COL5A2: variants seen among roughly 807,000 people sequenced by gnomAD.
COL5A2 encodes the protein collagen alpha-2(V) chain.
In COL5A2, 23 loss-of-function variants were observed where a neutral mutation model predicts 208.2. The observed-to-expected ratio is 0.11, with a 90% confidence interval of 0.08 to 0.16. The LOEUF is 0.16. COL5A2 is among the 10% of genes least tolerant of loss of function. The pLI is 1.00. For synonymous variants in COL5A2, 625 were observed against 628.5 expected, an observed-to-expected ratio of 0.99 and a Z score of 0.08; for missense variants, 1,590 against 1,956.4, an observed-to-expected ratio of 0.81 and a Z score of 3.53.
chr2:189,437,926 A>G, the COL5A2 span, among the ~76,000 whole-genome samples: 1 of 152,206 alleles, frequency 6.6e-6, no homozygotes, highest in South Asian at 2.1e-4. Context: ...ACATGAAGAT[A>G]CTAAGCAGTA....
chr2:189,286,645 C>G, the COL5A2 span, among the ~76,000 whole-genome samples: 1 of 152,102 alleles, frequency 6.6e-6, no homozygotes, highest in African/African-American at 2.4e-5. Flanking sequence ...GACTTACAGT[C>G]TTCAATGGTT....
the COL5A2 span, among the ~76,000 whole-genome samples, chr2:189,305,688 G>A: frequency 6.6e-6 from 1 of 152,002 alleles, no homozygotes; most frequent in Non-Finnish European, 1.5e-5. Flanking sequence ...TGTCCAATCT[G>A]CCAGTAGGAG....
chr2:189,145,753 C>A (rs1688026694), intron 1 of COL5A2, among the ~76,000 whole-genome samples: 1 of 151,970 alleles, frequency 6.6e-6, no homozygotes, highest in Non-Finnish European at 1.5e-5. Context: ...TAGGTGAAAC[C>A]AGGCTACAAA....
At chr2:189,201,009 TAC>T (rs1306718935) in intron 1 of COL5A2, among the ~76,000 whole-genome samples, 3 of 152,002 alleles carry the variant, frequency 2.0e-5, no homozygotes, top group Non-Finnish European at 2.9e-5. Flanking sequence ...AACCTGGATC[TAC>T]ACACACACAA....
At chr2:189,094,727 G>A (rs559079424) in intron 6 of COL5A2, among the ~76,000 whole-genome samples, 1 of 36,356 alleles carries the variant, frequency 2.8e-5, no homozygotes, top group South Asian at 7.9e-4. Context: ...TAAGTGTCAT[G>A]TGCAACTAGA....
At chr2:189,312,871 GAA>G in the COL5A2 span, among the ~76,000 whole-genome samples, 2 of 139,074 alleles carry the variant, frequency 1.4e-5, no homozygotes, top group East Asian at 2.1e-4. Context: ...ACTGTTAAAG[GAA>G]AAAAAAAAAA....
chr2:189,226,645 C>A (rs1689423007), upstream of COL5A2, among the ~76,000 whole-genome samples: 1 of 152,094 alleles, frequency 6.6e-6, no homozygotes, highest in South Asian at 2.1e-4. Context: ...CAGACATACT[C>A]TAGATGCTTG....
At chr2:189,366,214 A>C in the COL5A2 span, among the ~76,000 whole-genome samples, 1 of 152,202 alleles carries the variant, frequency 6.6e-6, no homozygotes, top group Non-Finnish European at 1.5e-5. Context: ...CATAAATGAC[A>C]GCCATGATTA....
chr2:189,325,793 T>G, the COL5A2 span, among the ~76,000 whole-genome samples: 2 of 152,036 alleles, frequency 1.3e-5, no homozygotes, highest in Non-Finnish European at 2.9e-5. Flanking sequence ...CAAAAAACAT[T>G]TACCATAGAA....
chr2:189,409,948 A>G, the COL5A2 span, among the ~76,000 whole-genome samples: 1 of 152,192 alleles, frequency 6.6e-6, no homozygotes, highest in South Asian at 2.1e-4. Context: ...AATAGAGTTC[A>G]ATGTCATGCA....
intron 12 of COL5A2, among the ~76,000 whole-genome samples, chr2:189,083,069 T>C (rs888373203): frequency 3.3e-5 from 5 of 152,150 alleles, no homozygotes; most frequent in Admixed American, 3.3e-4. Context: ...CAGAAAGTAA[T>C]GTGGTACTGT....
intron 5 of COL5A2, chr2:189,097,568 A>T: frequency 1.5e-6 from 1 of 667,594 alleles, no homozygotes. Flanking sequence ...TTATGGCATC[A>T]TGGAGCATAG....
At chr2:189,297,502 T>C in the COL5A2 span, among the ~76,000 whole-genome samples, 7 of 152,326 alleles carry the variant, frequency 4.6e-5, no homozygotes, top group African/African-American at 1.7e-4. Context: ...ATTAATTTTT[T>C]TAATTTAAAA....
intron 3 of COL5A2, 145 bp downstream of exon 3, chr2:189,104,119 C>G (rs1687104427): frequency 1.5e-6 from 1 of 666,866 alleles, no homozygotes; most frequent in East Asian, 2.6e-5. Flanking sequence ...AGTAGCTGAA[C>G]TGTGCTTATA....
At chr2:189,146,046 T>C (rs1366069073) in intron 1 of COL5A2, among the ~76,000 whole-genome samples, 1 of 152,054 alleles carries the variant, frequency 6.6e-6, no homozygotes, top group Non-Finnish European at 1.5e-5. Flanking sequence ...CACCTACAAC[T>C]AACATCTTGA....
the COL5A2 span, among the ~76,000 whole-genome samples, chr2:189,231,080 A>G: frequency 6.6e-6 from 1 of 151,936 alleles, no homozygotes; most frequent in Admixed American, 6.6e-5. Context: ...GTCAGAGAGG[A>G]AAAATACTGC....
chr2:189,047,091 C>A (rs1685685722), intron 45 of COL5A2, among the ~76,000 whole-genome samples: 1 of 148,488 alleles, frequency 6.7e-6, no homozygotes, highest in African/African-American at 2.5e-5. Flanking sequence ...CACTGCACTC[C>A]AGCCTGGCAA....
chr2:189,175,137 C>T (rs2105824265), intron 1 of COL5A2, among the ~76,000 whole-genome samples: 1 of 152,292 alleles, frequency 6.6e-6, no homozygotes, highest in East Asian at 1.9e-4. Context: ...TTTTATCCTT[C>T]ATAGCAGAAC....
At chr2:189,409,449 T>C in the COL5A2 span, among the ~76,000 whole-genome samples, 1 of 152,176 alleles carries the variant, frequency 6.6e-6, no homozygotes, top group South Asian at 2.1e-4. Context: ...CAATTAGCAT[T>C]TTCTATAGTA....
Sources: allele counts gnomAD v4.1 joint callset (sites outside exome capture counted in the v4.1 genomes callset), GRCh38; gene constraint gnomAD v4.1.1; transcripts MANE v1.5; gene names NCBI Gene and HGNC (gene_info 2026-07-23, HGNC 2026-07-21).